Variants in NOTCH2 observed in about 807,000 individuals in gnomAD.
The protein encoded by NOTCH2 is neurogenic locus notch homolog protein 2.
A neutral mutation model predicts 235.8 loss-of-function variants in NOTCH2; 29 were observed. That is an observed-to-expected ratio of 0.12 (90% CI 0.09 to 0.17). NOTCH2 has a LOEUF of 0.17. Ranked by LOEUF, NOTCH2 falls within the 10% of genes least tolerant of loss-of-function variation. NOTCH2 has a pLI of 1.00. For synonymous variants in NOTCH2, 1,086 were observed against 1,141.5 expected (o/e 0.95, Z 0.98); for missense variants, 2,285 against 3,150.2 (o/e 0.73, Z 6.57).
intron 5 of NOTCH2, among the ~76,000 whole-genome samples, chr1:119,985,626 C>G (rs1265336468): frequency 6.6e-6 from 1 of 152,064 alleles, no homozygotes; most frequent in Non-Finnish European, 1.5e-5. Context: ...AGAATGTGGT[C>G]AAGTTCTTAA....
chr1:120,058,541 C>T (rs1655205530), intron 1 of NOTCH2, among the ~76,000 whole-genome samples: 1 of 143,720 alleles, frequency 7.0e-6, no homozygotes, highest in Non-Finnish European at 1.5e-5. Context: ...AGTTTAAGTA[C>T]CAGCTCTGTC....
At chr1:120,069,147 G>A in intron 1 of NOTCH2, 187 bp downstream of exon 1, 3 of 1,527,186 alleles carry the variant, frequency 2.0e-6, no homozygotes, top group Non-Finnish European at 2.6e-6. Flanking sequence ...GAACCCCGGC[G>A]GTTGGCGGGG....
intron 3 of NOTCH2, among the ~76,000 whole-genome samples, chr1:120,000,147 T>C (rs1652690589): frequency 6.6e-6 from 1 of 151,994 alleles, no homozygotes; most frequent in Non-Finnish European, 1.5e-5. Flanking sequence ...GCTAGTAAGC[T>C]GACTGAGGTA....
chr1:120,051,159 C>A (rs1158684081), intron 1 of NOTCH2, among the ~76,000 whole-genome samples: 2 of 23,200 alleles, frequency 8.6e-5, no homozygotes, highest in Non-Finnish European at 1.2e-4. Context: ...CTATTCCTTG[C>A]CAACTGAGAT....
At chr1:119,999,878 A>G (rs1652646034) in intron 3 of NOTCH2, among the ~76,000 whole-genome samples, 1 of 149,178 alleles carries the variant, frequency 6.7e-6, no homozygotes, top group Non-Finnish European at 1.5e-5. Flanking sequence ...AAAGACAGAC[A>G]GAAAGAGAGA....
intron 23 of NOTCH2, 143 bp downstream of exon 23, chr1:119,928,833 A>G (rs1379869109): frequency 1.4e-6 from 1 of 710,014 alleles, no homozygotes; most frequent in Non-Finnish European, 2.5e-6. Flanking sequence ...CTAAGAAAAA[A>G]CTGGCTTTAA....
Position 119,963,409 on chromosome 1 carries a change from G to A in NOTCH2, c.1915+165C>T, listed in dbSNP as rs17024577. ...TGTCTCTGACTTCTCCACTGGCTAG[G>A]GCCATTTGCCTTGAGACATTTATGT... On this transcript the variant is annotated intron_variant, in intron 11 of 33. Transcript: ENST00000256646. Among the ~76,000 whole-genome samples, 7,313 of 152,226 alleles carry A rather than the reference G, an allele frequency of 0.048. 281 individuals carry two copies. Among genetic ancestry groups the A allele is most frequent in the South Asian group, 0.11 (509 of 4,828 alleles).
intron 1 of NOTCH2, among the ~76,000 whole-genome samples, chr1:120,068,264 T>A (rs2794162): frequency 2.4e-3 from 347 of 146,098 alleles, no homozygotes; most frequent in East Asian, 8.6e-3. Flanking sequence ...GGATAATTTC[T>A]TTCCCATTTT....
Position 119,949,027 on chromosome 1 carries a change from A to G in NOTCH2, c.2579T>C (p.Leu860Ser), listed in dbSNP as rs1650362760. 4 of 1,614,238 alleles carry G rather than the reference A, an allele frequency of 2.5e-6. No homozygotes were observed. The highest frequency in any genetic ancestry group is 3.4e-6 in the Non-Finnish European group (4 of 1,180,044). Residue 860 changes from leucine (L) to serine (S), a missense_variant, in exon 16 of 34, where the codon TTG (leucine) becomes TCG (serine). Physicochemically the swap from Leu to Ser is moderately radical, Grantham distance 145. This residue lies in a region of NOTCH2 where 1,173 missense variants were observed against 1,515.3 expected (regional missense o/e 0.77). Coordinates refer to ENST00000256646, the MANE Select transcript of NOTCH2 (RefSeq NM_024408.4). ...CTTACCTTGCCAGCCAGGAGCACAC[A>G]AGCAAGTATAACTCTCAAAATTTGG... is the stretch of plus-strand genomic sequence containing the variant. The part of the protein sequence containing the change: ...ESPNFESYTC[L>S]CAPGWQGQRC...
chr1:119,946,333 C>G (rs149646201), intron 17 of NOTCH2, among the ~76,000 whole-genome samples: 101 of 152,168 alleles, frequency 6.6e-4, no homozygotes, highest in African/African-American at 2.2e-3. Flanking sequence ...CCTCTTATCA[C>G]AACCAGACAA....
At chr1:119,966,548 G>A in intron 8 of NOTCH2, 59 bp from the exon 9 acceptor site, 1 of 1,223,964 alleles carries the variant, frequency 8.2e-7, no homozygotes, top group Non-Finnish European at 1.2e-6. Flanking sequence ...TTCCAGACAA[G>A]GAAGCACAAA....
chr1:119,955,341 G>A (rs1650647743), intron 12 of NOTCH2, 109 bp from the exon 13 acceptor site: 2 of 1,101,730 alleles, frequency 1.8e-6, no homozygotes, highest in Non-Finnish European at 2.7e-6. Context: ...GCCATAAGGT[G>A]CCTTGAGGCA....
chr1:119,931,249 A>C (rs1272327722), intron 22 of NOTCH2, among the ~76,000 whole-genome samples: 1 of 152,178 alleles, frequency 6.6e-6, no homozygotes, highest in Admixed American at 6.5e-5. Flanking sequence ...CAAATTACCA[A>C]AGATAAAATA....
Position 119,922,288 on chromosome 1 carries a change from C to T in NOTCH2, c.5161G>A (p.Ala1721Thr), listed in dbSNP as rs115013051. The change falls in exon 28 of 34, where the codon GCA becomes ACA. Residue 1721 changes from alanine to threonine, a missense_variant. Physicochemically the swap from Ala to Thr is moderately conservative, Grantham distance 58. Around this residue, in one of 6 missense-constraint regions of NOTCH2, gnomAD observed 1,173 missense variants for 1,515.3 expected, o/e 0.77. Coordinates refer to ENST00000256646, the MANE Select transcript of NOTCH2 (RefSeq NM_024408.4). ...LPEGFTLRRD[A>T]SNHKRREPVG... ...GGCTCACGACGCTTGTGATTGCTTG[C>T]ATCTCGGCGAAGAGTGAAACCTTCA... 5.3e-5 allele frequency: 86 copies of T among 1,614,182 alleles called. No homozygotes were observed. In the African/African-American group the frequency reaches 7.9e-4, roughly 15 times the overall value.
intron 3 of NOTCH2, among the ~76,000 whole-genome samples, chr1:120,001,499 G>A (rs1270229238): frequency 6.6e-6 from 1 of 152,198 alleles, no homozygotes; most frequent in Non-Finnish European, 1.5e-5. Context: ...AGATGGGCCG[G>A]TGGAAAGCTG....
In NOTCH2 at chr1:119,941,537, C is replaced by T. The variant is rs959447648; in HGVS notation, c.2970G>A (p.Glu990=). The T allele has an allele frequency of 1.2e-6, 2 of 1,612,492 alleles. No individual in the cohort carries two copies. The highest frequency in any genetic ancestry group is 2.7e-5 in the African/African-American group (2 of 75,008). The change falls in exon 18 of 34, where the codon GAG becomes GAA. Residue 990 remains glutamate, a synonymous_variant. Coordinates refer to ENST00000256646, the MANE Select transcript of NOTCH2 (RefSeq NM_024408.4). The part of the protein sequence containing the change: ...DGVHCENNIN[E]CTESSCFNGG... ...GACTGGTTGCTCACCTCTCAGTGCA[C>T]TCATTGATGTTGTTCTCACAATGGA...
intron 21 of NOTCH2, among the ~76,000 whole-genome samples, chr1:119,936,382 T>C (rs991280101): frequency 6.6e-6 from 1 of 152,224 alleles, no homozygotes; most frequent in Admixed American, 6.5e-5. Flanking sequence ...CTGGGGTCTG[T>C]ATGGCCCCAG....
intron 5 of NOTCH2, among the ~76,000 whole-genome samples, chr1:119,983,429 A>G (rs1232048554): frequency 6.6e-6 from 1 of 152,172 alleles, no homozygotes; most frequent in Non-Finnish European, 1.5e-5. Context: ...CTGGGATTAG[A>G]GGCATGAGCC....
chr1:119,978,810 G>A (rs1651697053), intron 5 of NOTCH2, among the ~76,000 whole-genome samples: 1 of 152,154 alleles, frequency 6.6e-6, no homozygotes. Flanking sequence ...CTGCAGCCAG[G>A]TTGAGAGTGA....
Sources: allele counts gnomAD v4.1 joint callset (sites outside exome capture counted in the v4.1 genomes callset), GRCh38; gene constraint gnomAD v4.1.1; regional missense constraint gnomAD v4.1.1; transcripts MANE v1.5; gene names NCBI Gene and HGNC (gene_info 2026-07-23, HGNC 2026-07-21).